Variants in PRR36 observed in about 807,000 individuals in gnomAD.
PRR36 encodes proline-rich protein 36.
A neutral mutation model predicts 58.6 loss-of-function variants in PRR36; 30 were observed. That is an observed-to-expected ratio of 0.51 (90% confidence interval 0.38 to 0.69). The LOEUF is 0.69. Ranked by LOEUF, PRR36 falls within the 30% of genes least tolerant of loss-of-function variation. The pLI, the probability that PRR36 is intolerant of heterozygous loss-of-function variation, is 0.00. For missense variants in PRR36, 1,692 were observed against 1,805.6 expected (o/e 0.94, Z 1.14); for synonymous variants, 771 against 829.3 (o/e 0.93, Z 1.21).
Position 7,869,087 on chromosome 19 carries a change from G to T in PRR36, c.3987C>A (p.Asp1329Glu). 6.5e-7 allele frequency: 1 copy of T among 1,534,794 alleles called. No homozygotes were observed. Among genetic ancestry groups the T allele is most frequent in the Non-Finnish European group, 8.7e-7 (1 of 1,146,466 alleles). ...TCCAGTCACCCTGCGGGGAGGCCACGTCGTCCGGAGAGAAGCTGGTGACCG... is the reference window on the plus strand; with the variant it reads ...TCCAGTCACCCTGCGGGGAGGCCACTTCGTCCGGAGAGAAGCTGGTGACCG... ...ITSVTSFSPD[D>E]VASPQGDWTV... Residue 1329 changes from aspartate to glutamate, a missense_variant, in exon 6 of 6, where the codon GAC becomes GAA. Asp to Glu is a conservative substitution (Grantham distance 45, BLOSUM62 2). Transcript: ENST00000618550.
In PRR36 at chr19:7,869,361, C is replaced by T; in HGVS notation, c.3713G>A (p.Ser1238Asn). 2.3e-5 allele frequency: 33 copies of T among 1,434,132 alleles called. No individual in the cohort carries two copies. Among genetic ancestry groups the T allele is most frequent in the Non-Finnish European group, 3.0e-5 (33 of 1,103,738 alleles). The allele number at this position is 1,434,132 out of a possible 1,614,324, so 88.8% of individuals were successfully genotyped here. A position where few individuals can be genotyped will look rare whatever the true frequency, so the allele number is the denominator to read the frequency against. ...AGAGAGASSR[S>N]PKQARLGELP... ...CTCGCCCAGGCGCGCCTGCTTCGGG[C>T]TCCGCGAGGACGCCCCGGCCCCGGC... Residue 1238 changes from serine to asparagine, a missense_variant, in exon 6 of 6, where the codon AGC (serine) becomes AAC (asparagine). By Grantham distance (46) the Ser-to-Asn change is conservative. Around this residue, in one of 5 missense-constraint regions of PRR36, gnomAD observed 485 missense variants for 549.2 expected, o/e 0.88. Transcript: ENST00000618550.
chr19:7,869,608 G>A, intron 5 of PRR36, 64 bp from the exon 6 acceptor site: 7 of 1,483,734 alleles, frequency 4.7e-6, no homozygotes, highest in East Asian at 2.8e-5. Flanking sequence ...TCAAGGTCCC[G>A]CCTCCTTGTC....
Position 7,868,928 on chromosome 19 carries a change from G to T in PRR36, c.*105C>A. On this transcript the variant is annotated 3_prime_UTR_variant, in exon 6 of 6. Transcript: ENST00000618550. ...TAGGGAGCTAAGACTAATCCACCCAGCGGGGCTCCAGGGCAGTGGAGGCGG... is the reference window on the plus strand; with the variant it reads ...TAGGGAGCTAAGACTAATCCACCCATCGGGGCTCCAGGGCAGTGGAGGCGG... The T allele has an allele frequency of 7.7e-7, 1 of 1,299,388 alleles. No individual in the cohort carries two copies. 80.5% of individuals were successfully genotyped at this position (1,299,388 alleles called of 1,614,324 possible). A position where few individuals can be genotyped will look rare whatever the true frequency, so the allele number is the denominator to read the frequency against.
In PRR36 at chr19:7,870,828, G is replaced by T. The variant is rs928522387; in HGVS notation, c.2416C>A (p.Pro806Thr). 3.5e-6 allele frequency: 5 copies of T among 1,446,536 alleles called. No homozygotes were observed. The highest frequency in any genetic ancestry group is 4.5e-6 in the Non-Finnish European group (5 of 1,107,038). 89.6% of individuals were successfully genotyped at this position (1,446,536 alleles called of 1,614,324 possible). Reference protein sequence around the residue: ...SPLTTPPPETPSSIATPPPQA... With the variant: ...SPLTTPPPETTSSIATPPPQA... The stretch of plus-strand genomic sequence containing the variant: ...GGAGGAGGCGTGGCTATGGAAGAGG[G>T]CGTCTCCGGAGGGGGCGTGGTCAAT... Residue 806 changes from proline to threonine, a missense_variant, in exon 5 of 6, where the codon CCC becomes ACC. Pro to Thr is a conservative substitution (Grantham distance 38). This residue lies in a region of PRR36 where 171 missense variants were observed against 146.2 expected (regional missense o/e 1.17). Coordinates refer to ENST00000618550, the MANE Select transcript of PRR36 (RefSeq NM_001190467.2).
rs1599588463 is a variant in PRR36, at chr19:7,870,512, G to A, written c.2732C>T (p.Ala911Val). The change falls in exon 5 of 6, where the codon GCC becomes GTC. Residue 911 changes from alanine (A) to valine (V), a missense_variant. Transcript: ENST00000618550. ...PPASPPVSPS[A>V]TPPSQAPPSL... The stretch of plus-strand genomic sequence containing the variant: ...GGGTGGGGCCTGTGAAGGGGGCGTG[G>A]CCGAAGGAGACACTGGGGGTGAGGC... The A allele has an allele frequency of 2.5e-6, 2 of 811,414 alleles. No individual in the cohort carries two copies. The highest frequency in any genetic ancestry group is 3.0e-6 in the Non-Finnish European group (2 of 662,160). 50.3% of individuals were successfully genotyped at this position (811,414 alleles called of 1,614,324 possible).
chr19:7,870,812 G>T lies in PRR36; in HGVS notation c.2432C>A (p.Thr811Lys), dbSNP rs982927566. ...PPPETPSSIA[T>K]PPPQAPPALA... Reference sequence around the variant, plus strand: ...AGCAGGTGGGGCCTGTGGAGGAGGCGTGGCTATGGAAGAGGGCGTCTCCGG... The same window carrying T: ...AGCAGGTGGGGCCTGTGGAGGAGGCTTGGCTATGGAAGAGGGCGTCTCCGG... Residue 811 changes from threonine (T) to lysine (K), a missense_variant, in exon 5 of 6, where the codon ACG (threonine) becomes AAG (lysine). Physicochemically the swap from Thr to Lys is moderately conservative, Grantham distance 78 (BLOSUM62 -1). This residue lies in a region of PRR36 where 171 missense variants were observed against 146.2 expected (regional missense o/e 1.17). Coordinates refer to ENST00000618550, the MANE Select transcript of PRR36 (RefSeq NM_001190467.2). 6.9e-6 allele frequency: 10 copies of T among 1,444,686 alleles called. No individual in the cohort carries two copies. In the African/African-American group the frequency reaches 1.4e-4, roughly 21 times the overall value. 89.5% of individuals were successfully genotyped at this position (1,444,686 alleles called of 1,614,324 possible).
chr19:7,871,923 G>T lies in PRR36; in HGVS notation c.1321C>A (p.Pro441Thr), dbSNP rs1292365585. The change falls in exon 5 of 6, where the codon CCA (proline) becomes ACA (threonine). Residue 441 changes from proline (P) to threonine (T), a missense_variant. Pro to Thr is a conservative substitution (Grantham distance 38). Coordinates refer to ENST00000618550, the MANE Select transcript of PRR36 (RefSeq NM_001190467.2). ...AGAGTCGGAAGAGAGGGCAACGCTG[G>T]ATTAGCTTGGGTGGGGGGCATACTC... ...LQSMPPTQANPALPSLPTLLS... is the reference protein window; with the variant it reads ...LQSMPPTQANTALPSLPTLLS... The T allele has an allele frequency of 1.3e-6, 2 of 1,535,784 alleles. No homozygotes were observed. The highest frequency in any genetic ancestry group is 1.4e-5 in the African/African-American group (1 of 72,958).
Position 7,872,463 on chromosome 19 carries a change from C to G in PRR36, c.781G>C (p.Gly261Arg). 1 of 1,462,404 alleles carries G rather than the reference C, an allele frequency of 6.8e-7. No individual in the cohort carries two copies. Among genetic ancestry groups the G allele is most frequent in the Non-Finnish European group, 9.0e-7 (1 of 1,114,202 alleles). The allele number at this position is 1,462,404 out of a possible 1,614,324, so 90.6% of individuals were successfully genotyped here. ...SPARSGPSARGTPRAPAHPSQ... is the reference protein window; with the variant it reads ...SPARSGPSARRTPRAPAHPSQ... The stretch of plus-strand genomic sequence containing the variant: ...GGATGCGCAGGAGCCCTGGGTGTTC[C>G]GCGGGCTGAGGGCCCAGAACGGGCT... Residue 261 changes from glycine (G) to arginine (R), a missense_variant, in exon 5 of 6, where the codon GGA becomes CGA. By Grantham distance (125) the Gly-to-Arg change is moderately radical (BLOSUM62 -2). Coordinates refer to ENST00000618550, the MANE Select transcript of PRR36 (RefSeq NM_001190467.2). The surrounding 1 kb of genome is among the most constrained non-coding windows in gnomAD (Gnocchi z 6.1).
rs1980394421 is a variant in PRR36, at chr19:7,870,841, G to A, written c.2403C>T (p.Pro801=). Residue 801 remains proline, a synonymous_variant, in exon 5 of 6, where the codon CCC becomes CCT. Coordinates refer to ENST00000618550, the MANE Select transcript of PRR36 (RefSeq NM_001190467.2). ...LQAPPSPLTT[P]PPETPSSIAT... ...CTATGGAAGAGGGCGTCTCCGGAGG[G>A]GGCGTGGTCAATGGCGAAGGTGGTG... 1 of 1,447,336 alleles carries A rather than the reference G, an allele frequency of 6.9e-7. No individual in the cohort carries two copies. The highest frequency in any genetic ancestry group is 2.5e-5 in the East Asian group (1 of 40,006). 89.7% of individuals were successfully genotyped at this position (1,447,336 alleles called of 1,614,324 possible).
At position 7,871,157 on chromosome 19, in the gene PRR36, G is replaced by C. The variant is rs1198254309; in HGVS notation, c.2087C>G (p.Ser696Cys). The C allele has an allele frequency of 2.6e-6, 4 of 1,535,506 alleles. No homozygotes were observed. The highest frequency in any genetic ancestry group is 3.5e-6 in the Non-Finnish European group (4 of 1,146,782). ...HPLQALSSLA[S>C]HSPQAPLSSL... ...AGAGAGAGGTGCCTGAGGAGAGTGG[G>C]AGGCCAGAGAAGATAGCGCCTGCAG... The change falls in exon 5 of 6, where the codon TCC (serine) becomes TGC (cysteine). Residue 696 changes from serine to cysteine, a missense_variant. Physicochemically the swap from Ser to Cys is moderately radical, Grantham distance 112. Coordinates refer to ENST00000618550, the MANE Select transcript of PRR36 (RefSeq NM_001190467.2).
Position 7,872,459 on chromosome 19 carries a change from G to C in PRR36, c.785C>G (p.Thr262Arg). The C allele has an allele frequency of 6.8e-7, 1 of 1,461,284 alleles. No individual in the cohort carries two copies. Among genetic ancestry groups the C allele is most frequent in the Non-Finnish European group, 9.0e-7 (1 of 1,113,296 alleles). The allele number at this position is 1,461,284 out of a possible 1,614,324, so 90.5% of individuals were successfully genotyped here. ...PARSGPSARG[T>R]PRAPAHPSQP... The stretch of plus-strand genomic sequence containing the variant: ...CGAGGGATGCGCAGGAGCCCTGGGT[G>C]TTCCGCGGGCTGAGGGCCCAGAACG... The change falls in exon 5 of 6, where the codon ACA becomes AGA. Residue 262 changes from threonine (T) to arginine (R), a missense_variant. Coordinates refer to ENST00000618550, the MANE Select transcript of PRR36 (RefSeq NM_001190467.2). This position sits in a 1 kb window ranked among gnomAD's most constrained non-coding sequence, Gnocchi z 6.1.
rs1040678277 is a variant in PRR36, at chr19:7,869,209, C to A, written c.3865G>T (p.Val1289Phe). The A allele has an allele frequency of 5.2e-5, 80 of 1,529,246 alleles. No individual in the cohort carries two copies. Among genetic ancestry groups the A allele is most frequent in the Non-Finnish European group, 6.7e-5 (77 of 1,144,508 alleles). The allele number at this position is 1,529,246 out of a possible 1,614,324, so 94.7% of individuals were successfully genotyped here. A position where few individuals can be genotyped will look rare whatever the true frequency, so the allele number is the denominator to read the frequency against. The change falls in exon 6 of 6, where the codon GTC becomes TTC. Residue 1289 changes from valine to phenylalanine, a missense_variant. This residue lies in a region of PRR36 where 485 missense variants were observed against 549.2 expected (regional missense o/e 0.88). Coordinates refer to ENST00000618550, the MANE Select transcript of PRR36 (RefSeq NM_001190467.2). The stretch of plus-strand genomic sequence containing the variant: ...AGTGCAGCCCGGGCGCCCCCTGTGA[C>A]GCCACCACCCTCCGCACCTCCTGGG... ...GGPGGAEGGG[V>F]TGGARAALSD...
rs1166562786 is a variant in PRR36 at position 7,874,133 on chromosome 19, C to A, written c.-8+153G>T. On this transcript the variant is annotated intron_variant, in intron 1 of 5. Coordinates refer to ENST00000618550, the MANE Select transcript of PRR36 (RefSeq NM_001190467.2). This position sits in a 1 kb window ranked among gnomAD's most constrained non-coding sequence, Gnocchi z 6.0. The stretch of plus-strand genomic sequence containing the variant: ...AGCCCCCATCGGCCTCCCCTGGCCT[C>A]CCCGAGGGATGCCTGCACCTGCCGG... Among the ~76,000 whole-genome samples, 1 of 152,188 alleles carries A rather than the reference C, an allele frequency of 6.6e-6. No individual in the cohort carries two copies. Among genetic ancestry groups the A allele is most frequent in the Non-Finnish European group, 1.5e-5 (1 of 68,010 alleles).
At position 7,870,762 on chromosome 19, in the gene PRR36, G is replaced by C; in HGVS notation, c.2482C>G (p.Leu828Val). The C allele has an allele frequency of 7.1e-7, 1 of 1,415,928 alleles. No individual in the cohort carries two copies. The highest frequency in any genetic ancestry group is 1.5e-5 in the South Asian group (1 of 66,530). 87.7% of individuals were successfully genotyped at this position (1,415,928 alleles called of 1,614,324 possible). The change falls in exon 5 of 6, where the codon CTG becomes GTG. Residue 828 changes from leucine (L) to valine (V), a missense_variant. Physicochemically the swap from Leu to Val is conservative, Grantham distance 32. Coordinates refer to ENST00000618550, the MANE Select transcript of PRR36 (RefSeq NM_001190467.2). ...PALASPPLQG[L>V]PSPPLSPLAT... ...AAAGGAGACAGAGGGGGAGAGGGCA[G>C]GCCCTGCAAAGGGGGTGAGGCCAGA...
chr19:7,871,862 A>G lies in PRR36; in HGVS notation c.1382T>C (p.Met461Thr), dbSNP rs1037771233. Residue 461 changes from methionine to threonine, a missense_variant, in exon 5 of 6, where the codon ATG (methionine) becomes ACG (threonine). Around this residue, in one of 5 missense-constraint regions of PRR36, gnomAD observed 975 missense variants for 955.2 expected, o/e 1.02. Transcript: ENST00000618550. ...SPLATPPLSA[M>T]SPLQGPVSPA... ...AGAAACAGGGCCTTGTAGAGGAGACATGGCTGACAGAGGAGGTGTGGCCAA... is the reference window on the plus strand; with the variant it reads ...AGAAACAGGGCCTTGTAGAGGAGACGTGGCTGACAGAGGAGGTGTGGCCAA... The G allele has an allele frequency of 1.1e-5, 17 of 1,535,820 alleles. No homozygotes were observed. Among genetic ancestry groups the G allele is most frequent in the East Asian group, 2.4e-5 (1 of 40,906 alleles).
In PRR36 at chr19:7,871,695, T is replaced by G. The variant is rs1232652734; in HGVS notation, c.1549A>C (p.Thr517Pro). Residue 517 changes from threonine (T) to proline (P), a missense_variant, in exon 5 of 6, where the codon ACT (threonine) becomes CCT (proline). This residue lies in a region of PRR36 where 975 missense variants were observed against 955.2 expected (regional missense o/e 1.02). Transcript: ENST00000618550. ...SLQATPHTLA[T>P]LPLQDSPLLA... is the part of the protein sequence containing the mutation. ...AGAGGAGAGTCCTGCAGAGGAAGAG[T>G]GGCCAGAGTGTGGGGCGTGGCCTGG... 4 of 1,530,456 alleles carry G rather than the reference T, an allele frequency of 2.6e-6. No homozygotes were observed. In the Admixed American group the frequency reaches 5.9e-5, roughly 23 times the overall value. The allele number at this position is 1,530,456 out of a possible 1,614,324, so 94.8% of individuals were successfully genotyped here.
Position 7,870,833 on chromosome 19 carries a change from T to C in PRR36, c.2411A>G (p.Glu804Gly), listed in dbSNP as rs1300962390. ...AGGCGTGGCTATGGAAGAGGGCGTC[T>C]CCGGAGGGGGCGTGGTCAATGGCGA... ...PPSPLTTPPP[E>G]TPSSIATPPP... The change falls in exon 5 of 6, where the codon GAG (glutamate) becomes GGG (glycine). Residue 804 changes from glutamate to glycine, a missense_variant. This residue lies in a region of PRR36 where 171 missense variants were observed against 146.2 expected (regional missense o/e 1.17). Transcript: ENST00000618550. 3.5e-6 allele frequency: 5 copies of C among 1,440,652 alleles called. No homozygotes were observed. The highest frequency in any genetic ancestry group is 4.5e-6 in the Non-Finnish European group (5 of 1,104,158). The allele number at this position is 1,440,652 out of a possible 1,614,324, so 89.2% of individuals were successfully genotyped here.
rs1980218124 is a variant in PRR36 at position 7,868,767 on chromosome 19, TGGGCAATACACTGCACACGGGGC to T, written c.*243_*265del. The T allele has an allele frequency of 2.5e-6, 1 of 392,264 alleles. No homozygotes were observed. 24.3% of individuals were successfully genotyped at this position (392,264 alleles called of 1,614,324 possible). A position where few individuals can be genotyped will look rare whatever the true frequency, so the allele number is the denominator to read the frequency against. On this transcript the variant is annotated 3_prime_UTR_variant, in exon 6 of 6. Transcript: ENST00000618550. ...TATTGCAAACTCAGGCTGTGCGGGG[TGGGCAATACACTGCACACGGGGC>T]GGGACTCGGGGAAACGGGGCGTGTC...
rs1980561040 is a variant in PRR36 at position 7,873,453 on chromosome 19, T to A, written c.237A>T (p.Pro79=). The change falls in exon 2 of 6, where the codon CCA becomes CCT. Residue 79 remains proline (P), a synonymous_variant. Coordinates refer to ENST00000618550, the MANE Select transcript of PRR36 (RefSeq NM_001190467.2). The surrounding 1 kb of genome is among the most constrained non-coding windows in gnomAD (Gnocchi z 5.0). ...TIPESAPRAG[P]TRSAGTSSRN... ...GGGAACTTGTCCCAGCACTCCGCGT[T>A]GGTCCCGCTCGGGGAGCAGACTCGG... is the stretch of plus-strand genomic sequence containing the variant. The A allele has an allele frequency of 6.5e-7, 1 of 1,534,636 alleles. No individual in the cohort carries two copies. The highest frequency in any genetic ancestry group is 8.7e-7 in the Non-Finnish European group (1 of 1,146,330).
Sources: allele counts gnomAD v4.1 joint callset (sites outside exome capture counted in the v4.1 genomes callset), GRCh38; gene constraint gnomAD v4.1.1; regional missense constraint gnomAD v4.1.1; non-coding constraint Gnocchi (gnomAD v3.1); transcripts MANE v1.5; gene names NCBI Gene and HGNC (gene_info 2026-07-23, HGNC 2026-07-21).